CLEC16A: variants seen among roughly 807,000 people sequenced by gnomAD.
CLEC16A encodes the protein protein CLEC16A.
A neutral mutation model predicts 109.5 loss-of-function variants in CLEC16A; 51 were observed. That is an observed-to-expected ratio of 0.47 (90% CI 0.37 to 0.59). The LOEUF (loss-of-function observed/expected upper bound fraction) is 0.59, where lower values mean the gene tolerates loss of function less well. Among genes scored for constraint, CLEC16A ranks in the 20% least tolerant of loss-of-function variants. CLEC16A has a pLI of 0.00. For synonymous variants in CLEC16A, 673 were observed against 564.2 expected (o/e 1.19, Z -2.73); for missense variants, 1,339 against 1,394.0 (o/e 0.96, Z 0.63).
chr16:11,110,354 G>A (rs901809851), intron 19 of CLEC16A, among the ~76,000 whole-genome samples: 1 of 152,210 alleles, frequency 6.6e-6, no homozygotes, highest in South Asian at 2.1e-4. Flanking sequence ...CTGGGATGGG[G>A]CTGGGGATTA....
intron 19 of CLEC16A, among the ~76,000 whole-genome samples, chr16:11,072,720 A>G (rs1035848603): frequency 6.6e-6 from 1 of 152,234 alleles, no homozygotes; most frequent in Non-Finnish European, 1.5e-5. Flanking sequence ...AATACTCAGC[A>G]TCACACTAAG....
Position 11,088,509 on chromosome 16 carries a change from C to T in CLEC16A, c.2116+27487C>T, listed in dbSNP as rs1044248343. ...TGTATTTCTCACACCCAAAGAAGGC[C>T]GCCAAGGAAGGCCCATGGCGACCCC... On this transcript the variant is annotated intron_variant, in intron 19 of 23. Transcript: ENST00000409790. Among the ~76,000 whole-genome samples the T allele has an allele frequency of 3.9e-5, 6 of 152,172 alleles. No homozygotes were observed. The East Asian group carries it at 9.6e-4, about 24-fold the overall frequency.
intron 19 of CLEC16A, among the ~76,000 whole-genome samples, chr16:11,109,479 T>A (rs1035037861): frequency 5.9e-5 from 9 of 152,162 alleles, no homozygotes; most frequent in African/African-American, 2.2e-4. Context: ...TACATGGCTT[T>A]AGAGAACCAA....
intron 19 of CLEC16A, among the ~76,000 whole-genome samples, chr16:11,113,166 C>T (rs61327009): frequency 1.3e-5 from 2 of 152,342 alleles, no homozygotes; most frequent in African/African-American, 4.8e-5. Flanking sequence ...TTCACGCCAT[C>T]ACCTGGTTCT....
intron 22 of CLEC16A, among the ~76,000 whole-genome samples, chr16:11,148,715 C>T (rs1376122652): frequency 6.6e-6 from 1 of 152,178 alleles, no homozygotes; most frequent in African/African-American, 2.4e-5. Context: ...GTGCTCCATC[C>T]CCTGTATGGC....
At chr16:11,104,937 C>A (rs1345477422) in intron 19 of CLEC16A, among the ~76,000 whole-genome samples, 1 of 152,188 alleles carries the variant, frequency 6.6e-6, no homozygotes, top group African/African-American at 2.4e-5. Context: ...TACCCTTGTT[C>A]CTGGGCTGCT....
At chr16:10,979,205 C>A in intron 8 of CLEC16A, 124 bp from the exon 9 acceptor site, 1 of 764,012 alleles carries the variant, frequency 1.3e-6, no homozygotes, top group Non-Finnish European at 2.1e-6. Context: ...AGCCCTAGGG[C>A]CGTGGAGGAA....
rs2041255673 is a variant in CLEC16A at position 10,944,791 on chromosome 16, A to G, written c.74A>G (p.His25Arg). The change falls in exon 1 of 24, where the codon CAC becomes CGC. Residue 25 changes from histidine (H) to arginine (R), a missense_variant. His to Arg is a conservative substitution (Grantham distance 29, BLOSUM62 0). Transcript: ENST00000409790. ...KTSRNIHSLD[H>R]LKYLYHVLTK... ...TCCCGCAACATCCACTCCTTGGACC[A>G]CCTCAAGTGAGTGTGGGGGGCGTAG... is the stretch of plus-strand genomic sequence containing the variant. 6.2e-7 allele frequency: 1 copy of G among 1,607,440 alleles called. No individual in the cohort carries two copies. The highest frequency in any genetic ancestry group is 1.3e-5 in the African/African-American group (1 of 74,906).
intron 19 of CLEC16A, among the ~76,000 whole-genome samples, chr16:11,100,105 A>T (rs1003843977): frequency 1.3e-5 from 2 of 151,944 alleles, no homozygotes; most frequent in Admixed American, 6.6e-5. Context: ...ACTTTTGCCT[A>T]AAAAAAATTC....
intron 5 of CLEC16A, chr16:10,971,489 G>C: frequency 1.1e-6 from 1 of 938,928 alleles, no homozygotes. Flanking sequence ...GCACGTGTGG[G>C]ATTCAGAGTG....
At chr16:11,134,775 T>C (rs1037046752) in intron 22 of CLEC16A, among the ~76,000 whole-genome samples, 34 of 152,250 alleles carry the variant, frequency 2.2e-4, no homozygotes, top group African/African-American at 7.7e-4. Flanking sequence ...ACTGAGCTAC[T>C]TCGCATGGCA....
intron 8 of CLEC16A, among the ~76,000 whole-genome samples, chr16:10,978,040 G>T (rs1232047230): frequency 6.6e-6 from 1 of 152,174 alleles, no homozygotes; most frequent in Admixed American, 6.5e-5. Flanking sequence ...CCTGGTAGTT[G>T]CCAGAACCCA....
At chr16:11,044,319 T>C (rs1567236924) in intron 16 of CLEC16A, 1 of 338,606 alleles carries the variant, frequency 3.0e-6, no homozygotes, top group East Asian at 4.5e-5. Context: ...TTCTCAGTAA[T>C]ACATGGATTT....
chr16:11,176,101 G>T (rs1161245915), intron 23 of CLEC16A, among the ~76,000 whole-genome samples: 1 of 152,254 alleles, frequency 6.6e-6, no homozygotes. Context: ...AGCAAGGGCA[G>T]AGGCCACCAG....
chr16:11,029,576 C>T (rs557219303), intron 13 of CLEC16A, among the ~76,000 whole-genome samples: 1 of 152,186 alleles, frequency 6.6e-6, no homozygotes, highest in South Asian at 2.1e-4. Context: ...TGCCTTTGTG[C>T]TTCTCCCTCT....
At chr16:11,027,669 C>A in intron 13 of CLEC16A, 3 of 1,560,468 alleles carry the variant, frequency 1.9e-6, no homozygotes, top group Admixed American at 1.7e-5. Context: ...AGTGGCCCAT[C>A]ATGCTACCAA....
intron 19 of CLEC16A, among the ~76,000 whole-genome samples, chr16:11,120,021 A>T (rs2052286891): frequency 6.6e-6 from 1 of 152,038 alleles, no homozygotes; most frequent in Non-Finnish European, 1.5e-5. Context: ...CCCAGGTTGG[A>T]GTGCAGAGCG....
In CLEC16A at chr16:11,003,127, C is replaced by T. The variant is rs2044768715; in HGVS notation, c.1125C>T (p.Ser375=). 1 of 1,613,214 alleles carries T rather than the reference C, an allele frequency of 6.2e-7. No individual in the cohort carries two copies. Among genetic ancestry groups the T allele is most frequent in the Non-Finnish European group, 8.5e-7 (1 of 1,179,812 alleles). ...FIKPTETLER[S]LEMNKHKGKR... The stretch of plus-strand genomic sequence containing the variant: ...AACCCACCGAGACACTCGAGCGGTC[C>T]CTTGAGATGAACAAGCACAAGGGCA... The change falls in exon 11 of 24, where the codon TCC becomes TCT. Residue 375 remains serine, a synonymous_variant. Coordinates refer to ENST00000409790, the MANE Select transcript of CLEC16A (RefSeq NM_015226.3).
At chr16:10,969,083 A>T in intron 3 of CLEC16A, 78 bp from the exon 4 acceptor site, 1 of 1,213,450 alleles carries the variant, frequency 8.2e-7, no homozygotes, top group Non-Finnish European at 1.2e-6. Flanking sequence ...CAAGTACATT[A>T]ACGTGGTCAT....
Sources: allele counts gnomAD v4.1 joint callset (sites outside exome capture counted in the v4.1 genomes callset), GRCh38; gene constraint gnomAD v4.1.1; transcripts MANE v1.5; gene names NCBI Gene and HGNC (gene_info 2026-07-23, HGNC 2026-07-21).